Variants in TAF3 observed in about 807,000 individuals in gnomAD.
The protein encoded by TAF3 is TATA-box binding protein associated factor 3.
A neutral mutation model predicts 80.6 loss-of-function variants in TAF3; 7 were observed. The ratio of observed to expected loss-of-function variants is 0.09; its 90% CI spans 0.05 to 0.16. TAF3 has a LOEUF of 0.16. TAF3 is among the 10% of genes least tolerant of loss of function. TAF3 has a pLI of 1.00. For missense variants in TAF3, 921 were observed against 1,140.2 expected (o/e 0.81, Z 2.77); for synonymous variants, 444 against 446.1 (o/e 1.00, Z 0.06).
intron 4 of TAF3, among the ~76,000 whole-genome samples, chr10:7,986,143 C>T (rs1366660915): frequency 6.6e-6 from 1 of 151,620 alleles, no homozygotes; most frequent in Non-Finnish European, 1.5e-5. Context: ...ATTTTTTTTC[C>T]CCCTTCTTTT....
At chr10:7,932,851 A>C (rs1292990277) in intron 2 of TAF3, among the ~76,000 whole-genome samples, 1 of 151,400 alleles carries the variant, frequency 6.6e-6, no homozygotes, top group East Asian at 1.9e-4. Context: ...CTAATTCTTA[A>C]ATTTTTTTGT....
intron 2 of TAF3, among the ~76,000 whole-genome samples, chr10:7,919,344 G>A (rs1197201832): frequency 6.6e-6 from 1 of 152,176 alleles, no homozygotes; most frequent in Non-Finnish European, 1.5e-5. Context: ...TATTGAGCCC[G>A]GGGAGGGATG....
Position 7,964,842 on chromosome 10 carries a change from A to C in TAF3, c.1332A>C (p.Thr444=), listed in dbSNP as rs772628066. ...CTTCCACTTCCGCGAACAATTTCAC[A>C]AAGTCAGGATCCACTCCTCTGCCTC... ...PKASTSANNF[T]KSGSTPLPLS... is the part of the protein sequence containing the mutation. The change falls in exon 3 of 7, where the codon ACA becomes ACC. Residue 444 remains threonine (T), a synonymous_variant. Coordinates refer to ENST00000344293, the MANE Select transcript of TAF3 (RefSeq NM_031923.4). The surrounding 1 kb of genome is among the most constrained non-coding windows in gnomAD (Gnocchi z 4.1). The C allele has an allele frequency of 6.2e-7, 1 of 1,614,180 alleles. No individual in the cohort carries two copies. The highest frequency in any genetic ancestry group is 1.7e-5 in the Admixed American group (1 of 60,022).
At chr10:7,849,794 C>T (rs1837009505) in intron 2 of TAF3, among the ~76,000 whole-genome samples, 1 of 152,062 alleles carries the variant, frequency 6.6e-6, no homozygotes, top group Non-Finnish European at 1.5e-5. Context: ...ATCCTCCCAC[C>T]TCAGCCTCCC....
chr10:7,979,099 C>A (rs188034915), intron 4 of TAF3, among the ~76,000 whole-genome samples: 1 of 151,956 alleles, frequency 6.6e-6, no homozygotes, highest in African/African-American at 2.4e-5. Flanking sequence ...AATCCCAGCA[C>A]TTTGGGAGGC....
chr10:7,978,514 C>G (rs569560414), intron 4 of TAF3, among the ~76,000 whole-genome samples: 1 of 152,236 alleles, frequency 6.6e-6, no homozygotes, highest in African/African-American at 2.4e-5. Flanking sequence ...CCACATTACT[C>G]TTTTCGGTTG....
In TAF3 at chr10:7,855,101, G is replaced by A. The variant is rs1014088612; in HGVS notation, c.409+30541G>A. On this transcript the variant is annotated intron_variant, in intron 2 of 6. Transcript: ENST00000344293. Reference sequence around the variant, plus strand: ...ACCCATTTTTTGAAACTGGAAAGTCGAGGGTCAAATGGTAAAGAACTTAGC... The same window carrying A: ...ACCCATTTTTTGAAACTGGAAAGTCAAGGGTCAAATGGTAAAGAACTTAGC... 5.9e-5 allele frequency among the ~76,000 whole-genome samples: 9 copies of A among 152,220 alleles called. No homozygotes were observed. The South Asian group carries it at 6.2e-4, about 11-fold the overall frequency.
chr10:7,838,366 T>TTG (rs1554775943), intron 2 of TAF3, among the ~76,000 whole-genome samples: 25,899 of 151,598 alleles, frequency 0.17, 2,657 homozygotes, highest in East Asian at 0.53. Context: ...TTTGTTTTTT[T>TTG]TTGTTGTTGT....
At chr10:7,961,605 C>T (rs1378543026) in intron 2 of TAF3, among the ~76,000 whole-genome samples, 1 of 152,028 alleles carries the variant, frequency 6.6e-6, no homozygotes, top group Non-Finnish European at 1.5e-5. Flanking sequence ...TTGTTTCTTC[C>T]TTGTTCATAT....
In TAF3 at chr10:7,971,822, T is replaced by A. The variant is rs112847912; in HGVS notation, c.2233-5419T>A. 8.9e-3 allele frequency among the ~76,000 whole-genome samples: 1,356 copies of A among 152,334 alleles called. 19 individuals carry two copies. The highest frequency in any genetic ancestry group is 0.029 in the African/African-American group (1,219 of 41,572). ...GGTGTGTGGCGAAGAAGCTAAATCC[T>A]TGAAGATTAACAAAAAAAATGCAGC... On this transcript the variant is annotated intron_variant, in intron 3 of 6. Coordinates refer to ENST00000344293, the MANE Select transcript of TAF3 (RefSeq NM_031923.4).
chr10:7,849,546 C>T (rs1837005701), intron 2 of TAF3, among the ~76,000 whole-genome samples: 2 of 152,076 alleles, frequency 1.3e-5, no homozygotes, highest in South Asian at 4.2e-4. Context: ...TTTAAATGTG[C>T]ATAATAGTTG....
At chr10:7,896,101 T>C (rs1419636501) in intron 2 of TAF3, among the ~76,000 whole-genome samples, 2 of 152,194 alleles carry the variant, frequency 1.3e-5, no homozygotes, top group Admixed American at 6.5e-5. Context: ...CGGTTGCTGC[T>C]GATAGGTCCC....
intron 2 of TAF3, among the ~76,000 whole-genome samples, chr10:7,885,066 T>C (rs1837396706): frequency 6.6e-6 from 1 of 152,014 alleles, no homozygotes; most frequent in African/African-American, 2.4e-5. Flanking sequence ...TTGGAAGGGC[T>C]GAGGGTGGGG....
In TAF3 at chr10:8,009,760, T is replaced by C. The variant is rs1443690430; in HGVS notation, c.2568+430T>C. Among the ~76,000 whole-genome samples the C allele has an allele frequency of 6.6e-6, 1 of 151,766 alleles. No homozygotes were observed. Among genetic ancestry groups the C allele is most frequent in the Non-Finnish European group, 1.5e-5 (1 of 67,936 alleles). Reference sequence around the variant, plus strand: ...CCTCAGCCTCCTGAGTAGCTGGGATTACAGGCACGTGCCACCACACCTGGC... The same window carrying C: ...CCTCAGCCTCCTGAGTAGCTGGGATCACAGGCACGTGCCACCACACCTGGC... On this transcript the variant is annotated intron_variant, in intron 5 of 6. Transcript: ENST00000344293. The surrounding 1 kb of genome is among the most constrained non-coding windows in gnomAD (Gnocchi z 4.1).
intron 2 of TAF3, chr10:7,833,700 C>T: frequency 5.0e-6 from 1 of 200,550 alleles, no homozygotes; most frequent in Non-Finnish European, 1.1e-5. Context: ...ACGGGCCATG[C>T]AGCAACTAGC....
chr10:7,964,686 T>C lies in TAF3; in HGVS notation c.1176T>C (p.Asp392=). 6.2e-7 allele frequency: 1 copy of C among 1,614,228 alleles called. No individual in the cohort carries two copies. Among genetic ancestry groups the C allele is most frequent in the Non-Finnish European group, 8.5e-7 (1 of 1,180,040 alleles). Residue 392 remains aspartate (D), a synonymous_variant, in exon 3 of 7, where the codon GAT becomes GAC. Coordinates refer to ENST00000344293, the MANE Select transcript of TAF3 (RefSeq NM_031923.4). The surrounding 1 kb of genome is among the most constrained non-coding windows in gnomAD (Gnocchi z 4.1). ...VADKTIEASI[D]AVIARACAER... ...ATAAAACGATTGAGGCCTCTATCGA[T>C]GCTGTGATTGCACGAGCCTGTGCTG...
At chr10:7,866,226 A>T (rs1837213618) in intron 2 of TAF3, among the ~76,000 whole-genome samples, 1 of 152,134 alleles carries the variant, frequency 6.6e-6, no homozygotes, top group South Asian at 2.1e-4. Context: ...CTGTGCCGTC[A>T]CTCTTCCAGG....
chr10:7,844,713 A>T (rs1429484936), intron 2 of TAF3, among the ~76,000 whole-genome samples: 9 of 152,030 alleles, frequency 5.9e-5, no homozygotes, highest in Non-Finnish European at 1.0e-4. Flanking sequence ...GTCTTTTTCC[A>T]TTATGAACAT....
In TAF3 at chr10:7,837,471, C is replaced by T. The variant is rs185842876; in HGVS notation, c.409+12911C>T. Among the ~76,000 whole-genome samples, 20 of 151,792 alleles carry T rather than the reference C, an allele frequency of 1.3e-4. 1 individual carries two copies. The highest frequency in any genetic ancestry group is 8.5e-4 in the Admixed American group (13 of 15,226). On this transcript the variant is annotated intron_variant, in intron 2 of 6. Transcript: ENST00000344293. ...CAGCTTGGCCAGCATGGCGAAACCT[C>T]GTCTCTACTAAAAATACAAAAATTA...
Sources: allele counts gnomAD v4.1 joint callset (sites outside exome capture counted in the v4.1 genomes callset), GRCh38; gene constraint gnomAD v4.1.1; non-coding constraint Gnocchi (gnomAD v3.1); transcripts MANE v1.5; gene names NCBI Gene and HGNC (gene_info 2026-07-23, HGNC 2026-07-21).